The following DLG2 variants were observed in gnomAD, a reference collection of about 807,000 sequenced individuals.
DLG2 encodes discs large MAGUK scaffold protein 2.
In DLG2, 45 loss-of-function variants were observed where a neutral mutation model predicts 132.5. The ratio of observed to expected loss-of-function variants is 0.34; its 90% CI spans 0.27 to 0.44. DLG2 has a LOEUF of 0.44. Ranked by LOEUF, DLG2 falls within the 20% of genes least tolerant of loss-of-function variation. The pLI, the probability that DLG2 is intolerant of heterozygous loss-of-function variation, is 1.00. For missense variants in DLG2, 1,045 were observed against 1,196.9 expected, an observed-to-expected ratio of 0.87 and a Z score of 1.87; for synonymous variants, 424 against 419.6, an observed-to-expected ratio of 1.01 and a Z score of -0.13.
chr11:84,934,515 G>GGTTTTTTTTTTTTTTTTTT (rs1566441569), intron 6 of DLG2, among the ~76,000 whole-genome samples: 7 of 40,508 alleles, frequency 1.7e-4, no homozygotes, highest in South Asian at 9.3e-4. Flanking sequence ...TTTTTTTTTT[G>GGTTTTTTTTTTTTTTTTTT]TTTTGTTTTG....
chr11:83,923,906 G>A (rs1317990533), intron 15 of DLG2, among the ~76,000 whole-genome samples: 1 of 151,996 alleles, frequency 6.6e-6, no homozygotes, highest in East Asian at 1.9e-4. Context: ...CTGCCTATAG[G>A]ATAAAGTACA....
At chr11:84,711,984 C>A (rs559292563) in intron 6 of DLG2, among the ~76,000 whole-genome samples, 1 of 151,902 alleles carries the variant, frequency 6.6e-6, no homozygotes, top group African/African-American at 2.4e-5. Flanking sequence ...ACAGTTTACA[C>A]GGGCAAATGG....
At chr11:84,777,488 TA>T (rs1201926074) in intron 6 of DLG2, among the ~76,000 whole-genome samples, 3 of 151,358 alleles carry the variant, frequency 2.0e-5, no homozygotes, top group African/African-American at 7.3e-5. Flanking sequence ...CTGTATCTAA[TA>T]GTAGCTGTTT....
chr11:85,535,715 A>T (rs2075535218), intron 3 of DLG2, among the ~76,000 whole-genome samples: 1 of 152,246 alleles, frequency 6.6e-6, no homozygotes. Context: ...AAAATAGCCA[A>T]AATACGGGAA....
chr11:83,707,462 G>C (rs368770139), intron 18 of DLG2, among the ~76,000 whole-genome samples: 1 of 152,218 alleles, frequency 6.6e-6, no homozygotes, highest in Non-Finnish European at 1.5e-5. Context: ...CTGAGGTCAG[G>C]AGTTCAAGAC....
intron 18 of DLG2, among the ~76,000 whole-genome samples, chr11:83,657,051 TA>T (rs1387947276): frequency 6.6e-6 from 1 of 152,196 alleles, no homozygotes; most frequent in African/African-American, 2.4e-5. Context: ...CAACATTCCA[TA>T]AAGCTTCAGT....
chr11:84,812,348 T>C (rs1258440728), intron 6 of DLG2, among the ~76,000 whole-genome samples: 1 of 152,192 alleles, frequency 6.6e-6, no homozygotes, highest in African/African-American at 2.4e-5. Context: ...ACTGTGTGGA[T>C]TGATGCCTGG....
At chr11:83,746,001 G>T (rs948530642) in intron 18 of DLG2, among the ~76,000 whole-genome samples, 24 of 152,138 alleles carry the variant, frequency 1.6e-4, no homozygotes, top group African/African-American at 5.8e-4. Context: ...GTTCATCAGA[G>T]AAATGCAAAT....
At chr11:84,787,620 A>G (rs890749674) in intron 6 of DLG2, among the ~76,000 whole-genome samples, 2 of 152,172 alleles carry the variant, frequency 1.3e-5, no homozygotes, top group Admixed American at 1.3e-4. Context: ...TATTTCCTCT[A>G]TAATATTCTG....
chr11:85,040,693 C>T (rs1440496757), intron 6 of DLG2, among the ~76,000 whole-genome samples: 1 of 151,880 alleles, frequency 6.6e-6, no homozygotes, highest in Non-Finnish European at 1.5e-5. Flanking sequence ...AACATATGGC[C>T]TTTCTCTCTC....
chr11:85,380,237 A>C (rs2085765798), intron 3 of DLG2, among the ~76,000 whole-genome samples: 1 of 152,240 alleles, frequency 6.6e-6, no homozygotes, highest in Non-Finnish European at 1.5e-5. Flanking sequence ...GGTATACAAC[A>C]ATGTTGCCAC....
At chr11:84,960,771 A>T (rs2052441191) in intron 6 of DLG2, among the ~76,000 whole-genome samples, 1 of 152,082 alleles carries the variant, frequency 6.6e-6, no homozygotes, top group African/African-American at 2.4e-5. Flanking sequence ...CCGAGAAAAG[A>T]AGTTCTTATA....
chr11:84,402,879 C>T lies in DLG2; in HGVS notation c.519+131691G>A, dbSNP rs1273324233. Reference sequence around the variant, plus strand: ...CCTGGGCGACAGAGCGAAACTCCGTCTCAAAAAAAAAAAAAAAAAAAATTA... The same window carrying T: ...CCTGGGCGACAGAGCGAAACTCCGTTTCAAAAAAAAAAAAAAAAAAAATTA... On this transcript the variant is annotated intron_variant, in intron 7 of 27. Transcript: ENST00000376104. Among the ~76,000 whole-genome samples the T allele has an allele frequency of 3.9e-4, 11 of 28,044 alleles. No homozygotes were observed. The African/African-American group carries it at 0.019, about 50-fold the overall frequency. The allele number at this position is 28,044 out of a possible 152,430, so 18.4% of individuals were successfully genotyped here.
chr11:84,904,948 G>C (rs760708895), intron 6 of DLG2, among the ~76,000 whole-genome samples: 1 of 152,156 alleles, frequency 6.6e-6, no homozygotes, highest in Non-Finnish European at 1.5e-5. Context: ...TTTTGAGACA[G>C]GGTCTCGCTC....
At chr11:85,369,300 C>T (rs1039088702) in intron 3 of DLG2, among the ~76,000 whole-genome samples, 6 of 152,152 alleles carry the variant, frequency 3.9e-5, no homozygotes, top group Non-Finnish European at 8.8e-5. Context: ...AAAGCCACAG[C>T]AGCCTTCCCT....
intron 16 of DLG2, among the ~76,000 whole-genome samples, chr11:83,848,158 TA>T (rs150174389): frequency 0.017 from 2,541 of 149,318 alleles, 74 homozygotes; most frequent in African/African-American, 0.059. Context: ...CGGCATCTTG[TA>T]AGGACACTTA....
At position 83,874,429 on chromosome 11, in the gene DLG2, G is replaced by T; in HGVS notation, c.1556C>A (p.Ser519Tyr). 3 of 1,598,034 alleles carry T rather than the reference G, an allele frequency of 1.9e-6. No individual in the cohort carries two copies. Among genetic ancestry groups the T allele is most frequent in the Non-Finnish European group, 2.6e-6 (3 of 1,170,328 alleles). ...TGTATTATTATCTTACCCTTCCAGGGAGACGGCCCGTTGGAGAGTCATTGA... is the reference window on the plus strand; with the variant it reads ...TGTATTATTATCTTACCCTTCCAGGTAGACGGCCCGTTGGAGAGTCATTGA... The part of the protein sequence containing the change: ...QPSMTLQRAV[S>Y]LEGEPRKVVL... Residue 519 changes from serine (S) to tyrosine (Y), a missense_variant, in exon 16 of 28, where the codon TCC becomes TAC. By Grantham distance (144) the Ser-to-Tyr change is moderately radical (BLOSUM62 -2). Transcript: ENST00000376104.
intron 11 of DLG2, among the ~76,000 whole-genome samples, chr11:84,014,167 T>C (rs1200801170): frequency 6.6e-6 from 1 of 151,260 alleles, no homozygotes; most frequent in Non-Finnish European, 1.5e-5. Flanking sequence ...GTTGCTGTAA[T>C]TATGTAATTT....
At chr11:83,831,943 G>T (rs921743861) in intron 17 of DLG2, among the ~76,000 whole-genome samples, 5 of 152,094 alleles carry the variant, frequency 3.3e-5, no homozygotes, top group African/African-American at 1.2e-4. Context: ...TAGAAGGAAG[G>T]GGGAAAGTGG....
Sources: gnomAD v4.1 joint callset for allele counts (sites outside exome capture counted in the v4.1 genomes callset) on GRCh38, gnomAD v4.1.1 for gene constraint, MANE v1.5 for transcripts, NCBI Gene and HGNC (gene_info 2026-07-23, HGNC 2026-07-21) for gene names.